The following SLC8A3 variants were observed in gnomAD, a reference collection of about 807,000 sequenced individuals.
The protein encoded by SLC8A3 is sodium/calcium exchanger 3.
SLC8A3 carries 37 observed loss-of-function variants against 65.4 expected under a neutral mutation model. The ratio of observed to expected loss-of-function variants is 0.57; its 90% CI spans 0.44 to 0.74. SLC8A3 has a LOEUF of 0.74. Ranked by LOEUF, SLC8A3 falls within the 30% of genes least tolerant of loss-of-function variation. SLC8A3 has a pLI of 0.00. For synonymous variants in SLC8A3, 461 were observed against 444.5 expected, an observed-to-expected ratio of 1.04 and a Z score of -0.47; for missense variants, 1,112 against 1,172.1, an observed-to-expected ratio of 0.95 and a Z score of 0.75.
chr14:70,074,343 A>G (rs768641904), intron 2 of SLC8A3, among the ~76,000 whole-genome samples: 2 of 152,198 alleles, frequency 1.3e-5, no homozygotes, highest in Non-Finnish European at 2.9e-5. Context: ...CTTGTTTTAT[A>G]CCACCTGGAG....
At chr14:70,146,058 G>A (rs532704327) in intron 2 of SLC8A3, among the ~76,000 whole-genome samples, 1 of 152,310 alleles carries the variant, frequency 6.6e-6, no homozygotes, top group East Asian at 1.9e-4. Context: ...AGCACTCTGG[G>A]TGAGCTTCAA....
At chr14:70,145,161 G>A (rs1594755470) in intron 2 of SLC8A3, among the ~76,000 whole-genome samples, 1 of 152,114 alleles carries the variant, frequency 6.6e-6, no homozygotes, top group African/African-American at 2.4e-5. Context: ...GTTCATATGA[G>A]GCATGAAAAT....
chr14:70,121,546 T>A, intron 2 of SLC8A3, among the ~76,000 whole-genome samples: 1 of 152,210 alleles, frequency 6.6e-6, no homozygotes, highest in Non-Finnish European at 1.5e-5. Context: ...TCTGTATATT[T>A]AGCCTTTTTC....
intron 2 of SLC8A3, among the ~76,000 whole-genome samples, chr14:70,072,536 G>A (rs1384301860): frequency 6.6e-6 from 1 of 151,596 alleles, no homozygotes; most frequent in African/African-American, 2.4e-5. Context: ...ACAGAATAAA[G>A]ACTTAAGGAT....
intron 2 of SLC8A3, among the ~76,000 whole-genome samples, chr14:70,121,046 T>G (rs896150321): frequency 6.6e-6 from 1 of 152,202 alleles, no homozygotes; most frequent in African/African-American, 2.4e-5. Flanking sequence ...AAGGTGCTTA[T>G]GCTGGAACGG....
intron 2 of SLC8A3, among the ~76,000 whole-genome samples, chr14:70,075,641 C>T (rs1263457009): frequency 6.6e-6 from 1 of 152,162 alleles, no homozygotes; most frequent in Non-Finnish European, 1.5e-5. Context: ...CTTACCTGGC[C>T]TCTTGCAATA....
intron 1 of SLC8A3, among the ~76,000 whole-genome samples, chr14:70,173,988 C>A (rs1300719884): frequency 6.6e-6 from 1 of 152,184 alleles, no homozygotes; most frequent in Non-Finnish European, 1.5e-5. Context: ...TGAATCTTCA[C>A]AATGAAGGAG....
At chr14:70,092,786 C>T (rs989193981) in intron 2 of SLC8A3, among the ~76,000 whole-genome samples, 10 of 152,198 alleles carry the variant, frequency 6.6e-5, no homozygotes, top group Non-Finnish European at 1.3e-4. Context: ...GAGACATTTG[C>T]ATTCCTGGTT....
intron 2 of SLC8A3, chr14:70,063,885 T>G (rs1370255558): frequency 5.6e-6 from 9 of 1,612,578 alleles, no homozygotes; most frequent in African/African-American, 4.0e-5. Context: ...ATTCTTGTTT[T>G]TCTCATATGC....
chr14:70,172,007 C>T (rs150810698), intron 1 of SLC8A3, among the ~76,000 whole-genome samples: 48 of 152,206 alleles, frequency 3.2e-4, no homozygotes, highest in Admixed American at 8.5e-4. Context: ...TATGCAATTG[C>T]CCCGGCCCAG....
chr14:70,187,898 C>T (rs967962313), intron 1 of SLC8A3, among the ~76,000 whole-genome samples: 3 of 152,124 alleles, frequency 2.0e-5, no homozygotes, highest in Non-Finnish European at 4.4e-5. Context: ...GTGGATAACG[C>T]GCTTCCCTGC....
intron 1 of SLC8A3, among the ~76,000 whole-genome samples, chr14:70,172,760 A>G (rs527242355): frequency 1.3e-5 from 2 of 152,300 alleles, no homozygotes; most frequent in South Asian, 4.2e-4. Flanking sequence ...ACAAATAAAC[A>G]CTTTTATTGT....
At chr14:70,165,223 C>T (rs1897102728) in intron 2 of SLC8A3, among the ~76,000 whole-genome samples, 1 of 152,184 alleles carries the variant, frequency 6.6e-6, no homozygotes, top group Non-Finnish European at 1.5e-5. Flanking sequence ...CCCCAAGTCA[C>T]ATTATTAAGA....
intron 2 of SLC8A3, among the ~76,000 whole-genome samples, chr14:70,067,222 C>T (rs1161515059): frequency 6.6e-6 from 1 of 152,190 alleles, no homozygotes; most frequent in Non-Finnish European, 1.5e-5. Context: ...TGATCGTTTG[C>T]GTCTCTGAGT....
At chr14:70,131,874 A>G (rs908950058) in intron 2 of SLC8A3, among the ~76,000 whole-genome samples, 4 of 152,232 alleles carry the variant, frequency 2.6e-5, no homozygotes, top group Admixed American at 2.0e-4. Flanking sequence ...GAGGACAGAT[A>G]AGACAGGGCC....
chr14:70,072,603 A>G (rs111510210), intron 2 of SLC8A3, among the ~76,000 whole-genome samples: 10 of 131,458 alleles, frequency 7.6e-5, no homozygotes, highest in African/African-American at 2.3e-4. Context: ...CCGTCCATCC[A>G]TCCATCCATC....
intron 2 of SLC8A3, among the ~76,000 whole-genome samples, chr14:70,116,863 A>T (rs1893702798): frequency 6.6e-6 from 1 of 152,238 alleles, no homozygotes; most frequent in Non-Finnish European, 1.5e-5. Flanking sequence ...TGGTACTGCT[A>T]TATCACAAGC....
intron 2 of SLC8A3, among the ~76,000 whole-genome samples, chr14:70,073,763 G>A (rs1253888951): frequency 2.6e-5 from 4 of 152,152 alleles, no homozygotes; most frequent in African/African-American, 9.7e-5. Context: ...TTGTATACAC[G>A]TGAAACACTG....
chr14:70,151,209 G>T (rs1226940123), intron 2 of SLC8A3, among the ~76,000 whole-genome samples: 2 of 151,322 alleles, frequency 1.3e-5, no homozygotes, highest in African/African-American at 4.9e-5. Flanking sequence ...AGCCGAGATC[G>T]TGCCACTGCA....
Sources: gnomAD v4.1 joint callset for allele counts (sites outside exome capture counted in the v4.1 genomes callset) on GRCh38, gnomAD v4.1.1 for gene constraint, MANE v1.5 for transcripts, NCBI Gene and HGNC (gene_info 2026-07-23, HGNC 2026-07-21) for gene names.